ZNF385D: variants seen among roughly 807,000 people sequenced by gnomAD.
The protein encoded by ZNF385D is zinc finger protein 659.
ZNF385D carries 15 observed loss-of-function variants against 35.8 expected under a neutral mutation model. The observed-to-expected ratio is 0.42, with a 90% CI of 0.28 to 0.64. The LOEUF (loss-of-function observed/expected upper bound fraction) is 0.64, where lower values mean the gene tolerates loss of function less well. ZNF385D is among the 30% of genes least tolerant of loss of function. The pLI is 0.23. For missense variants in ZNF385D, 474 were observed against 494.6 expected, an observed-to-expected ratio of 0.96 and a Z score of 0.39; for synonymous variants, 212 against 186.8, an observed-to-expected ratio of 1.13 and a Z score of -1.10.
At chr3:22,350,948 A>G (rs1157023423) in intron 2 of ZNF385D, among the ~76,000 whole-genome samples, 2 of 152,064 alleles carry the variant, frequency 1.3e-5, no homozygotes, top group Non-Finnish European at 2.9e-5. Flanking sequence ...CACTCTCAGT[A>G]AGGCTGCACA....
At chr3:21,522,209 G>A (rs1429354020) in intron 3 of ZNF385D, among the ~76,000 whole-genome samples, 2 of 152,150 alleles carry the variant, frequency 1.3e-5, no homozygotes, top group Non-Finnish European at 2.9e-5. Flanking sequence ...GCACCCCTGT[G>A]ACCAAACAGA....
chr3:22,228,007 ACTAAGCC>A (rs536448818), intron 2 of ZNF385D, among the ~76,000 whole-genome samples: 21 of 152,240 alleles, frequency 1.4e-4, no homozygotes, highest in African/African-American at 5.1e-4. Flanking sequence ...ACCCGCCTAA[ACTAAGCC>A]CAAATTTTGA....
At chr3:21,753,376 C>T (rs1190270081), upstream of ZNF385D, among the ~76,000 whole-genome samples, 1 of 152,190 alleles carries the variant, frequency 6.6e-6, no homozygotes, top group Admixed American at 6.5e-5. Context: ...AATGTCACTG[C>T]ATGTTCTAGA....
chr3:21,940,717 A>G (rs1701476899), intron 3 of ZNF385D, among the ~76,000 whole-genome samples: 1 of 152,204 alleles, frequency 6.6e-6, no homozygotes, highest in Admixed American at 6.5e-5. Flanking sequence ...GGCTACGAGG[A>G]TAAAAGTAGG....
chr3:22,038,229 T>C (rs1698457135), intron 3 of ZNF385D, among the ~76,000 whole-genome samples: 1 of 152,124 alleles, frequency 6.6e-6, no homozygotes, highest in African/African-American at 2.4e-5. Context: ...TGATTGAAAT[T>C]ATAAAACATT....
intron 2 of ZNF385D, among the ~76,000 whole-genome samples, chr3:21,583,363 G>C (rs980542196): frequency 1.3e-5 from 2 of 151,936 alleles, no homozygotes; most frequent in African/African-American, 4.8e-5. Context: ...CTTCCATAGG[G>C]GCTCTTAGAA....
chr3:21,497,063 G>A (rs1250755383), intron 4 of ZNF385D, among the ~76,000 whole-genome samples: 1 of 152,072 alleles, frequency 6.6e-6, no homozygotes, highest in Admixed American at 6.6e-5. Flanking sequence ...AATCAGGCAA[G>A]AGAAAGAAAG....
intron 3 of ZNF385D, among the ~76,000 whole-genome samples, chr3:22,076,640 A>G (rs1700479523): frequency 6.6e-6 from 1 of 151,980 alleles, no homozygotes; most frequent in African/African-American, 2.4e-5. Flanking sequence ...TCTGTGGTTC[A>G]TAGTTTTATC....
rs548232902 is a variant in ZNF385D at position 21,478,771 on chromosome 3, T to C, written c.439+32090A>G. 9.9e-5 allele frequency among the ~76,000 whole-genome samples: 15 copies of C among 152,264 alleles called. No individual in the cohort carries two copies. The South Asian group carries it at 1.7e-3, about 17-fold the overall frequency. On this transcript the variant is annotated intron_variant, in intron 4 of 7. Coordinates refer to ENST00000281523, the MANE Select transcript of ZNF385D (RefSeq NM_024697.3). The stretch of plus-strand genomic sequence containing the variant: ...GGGCAATCTCTTTTATTCAAGTTTA[T>C]GACTATCTTCCATAAAAAACACCAT...
chr3:21,796,058 C>T (rs1184215415), intron 3 of ZNF385D, among the ~76,000 whole-genome samples: 1 of 152,182 alleles, frequency 6.6e-6, no homozygotes, highest in Admixed American at 6.5e-5. Context: ...AGTTTCTTCT[C>T]CCACTTGGCA....
intron 2 of ZNF385D, among the ~76,000 whole-genome samples, chr3:21,574,392 G>T (rs1297553995): frequency 1.3e-5 from 2 of 152,052 alleles, no homozygotes; most frequent in Admixed American, 1.3e-4. Context: ...AATAATTGGG[G>T]TAAGACCTAT....
At chr3:22,289,429 C>T (rs988497874) in intron 2 of ZNF385D, among the ~76,000 whole-genome samples, 1 of 152,134 alleles carries the variant, frequency 6.6e-6, no homozygotes, top group African/African-American at 2.4e-5. Flanking sequence ...AAAAAAGGTT[C>T]AAGAAGTAAC....
intron 2 of ZNF385D, among the ~76,000 whole-genome samples, chr3:22,179,494 G>A (rs1196531784): frequency 9.8e-5 from 15 of 152,292 alleles, no homozygotes; most frequent in South Asian, 2.1e-4. Flanking sequence ...GGGCTGAGAC[G>A]ACGGGGTTTT....
chr3:22,077,671 A>G (rs1700532962), intron 3 of ZNF385D, among the ~76,000 whole-genome samples: 1 of 151,964 alleles, frequency 6.6e-6, no homozygotes. Context: ...GTTCACATGT[A>G]ATGATTTCCC....
At chr3:22,023,177 T>C (rs1697326926) in intron 3 of ZNF385D, among the ~76,000 whole-genome samples, 1 of 152,120 alleles carries the variant, frequency 6.6e-6, no homozygotes, top group Non-Finnish European at 1.5e-5. Context: ...GAAGTAATGA[T>C]GGTAGAAGGA....
At chr3:21,912,723 T>C (rs1407617331) in intron 3 of ZNF385D, among the ~76,000 whole-genome samples, 2 of 152,062 alleles carry the variant, frequency 1.3e-5, no homozygotes, top group African/African-American at 2.4e-5. Flanking sequence ...CAATTAATGA[T>C]ATTATATGCT....
chr3:21,564,989 T>A (rs1379180204), intron 2 of ZNF385D, among the ~76,000 whole-genome samples: 5 of 152,150 alleles, frequency 3.3e-5, no homozygotes, highest in African/African-American at 9.7e-5. Context: ...TAAAGATTTA[T>A]CAAAATTCAA....
intron 3 of ZNF385D, among the ~76,000 whole-genome samples, chr3:22,111,802 C>T (rs1702550994): frequency 6.6e-6 from 1 of 152,092 alleles, no homozygotes; most frequent in Non-Finnish European, 1.5e-5. Flanking sequence ...AAACCCTGAA[C>T]AGTGAAACAT....
At chr3:22,280,565 G>C (rs1017210453) in intron 2 of ZNF385D, among the ~76,000 whole-genome samples, 4 of 151,980 alleles carry the variant, frequency 2.6e-5, no homozygotes, top group African/African-American at 9.7e-5. Context: ...CTTTGTCAAA[G>C]ATCAATTGGC....
Sources: allele counts gnomAD v4.1 joint callset (sites outside exome capture counted in the v4.1 genomes callset), GRCh38; gene constraint gnomAD v4.1.1; transcripts MANE v1.5; gene names NCBI Gene and HGNC (gene_info 2026-07-23, HGNC 2026-07-21).